EPM2A: variants seen among roughly 807,000 people sequenced by gnomAD.
EPM2A encodes EPM2A glucan phosphatase, laforin.
In EPM2A, 21 loss-of-function variants were observed where a neutral mutation model predicts 26.5. The ratio of observed to expected loss-of-function variants is 0.79; its 90% CI spans 0.56 to 1.14. The LOEUF (loss-of-function observed/expected upper bound fraction) is 1.14. EPM2A is among the 50% of genes most tolerant of loss of function. The pLI is 0.00. For missense variants in EPM2A, 458 were observed against 440.8 expected, an observed-to-expected ratio of 1.04 and a Z score of -0.35; for synonymous variants, 217 against 177.6, an observed-to-expected ratio of 1.22 and a Z score of -1.76.
At chr6:145,410,740 G>T (rs1025260617) in intron 4 of EPM2A, among the ~76,000 whole-genome samples, 12 of 152,146 alleles carry the variant, frequency 7.9e-5, no homozygotes, top group Admixed American at 3.9e-4. Flanking sequence ...GAAAGCAGGT[G>T]GTAAGACAAT....
intron 2 of EPM2A, among the ~76,000 whole-genome samples, chr6:145,551,105 T>C (rs1434588759): frequency 6.6e-6 from 1 of 152,030 alleles, no homozygotes; most frequent in Non-Finnish European, 1.5e-5. Flanking sequence ...GAGTAAAATA[T>C]GGTATAATAA....
intron 2 of EPM2A, among the ~76,000 whole-genome samples, chr6:145,594,295 GA>G (rs937440070): frequency 1.3e-5 from 2 of 151,132 alleles, no homozygotes; most frequent in South Asian, 2.1e-4. Context: ...AAACCCTCAA[GA>G]AAAAAAATAT....
intron 4 of EPM2A, among the ~76,000 whole-genome samples, chr6:145,468,600 C>T (rs1052831303): frequency 6.6e-6 from 1 of 150,412 alleles, no homozygotes; most frequent in Non-Finnish European, 1.5e-5. Flanking sequence ...TAAAACTAGA[C>T]CTCTATCTCT....
intron 2 of EPM2A, among the ~76,000 whole-genome samples, chr6:145,555,379 A>G (rs1780715426): frequency 1.3e-5 from 2 of 152,064 alleles, no homozygotes; most frequent in Non-Finnish European, 2.9e-5. Flanking sequence ...GTCTTTATAC[A>G]TGAACTAGGT....
chr6:145,573,290 C>T (rs1780984707), intron 2 of EPM2A, among the ~76,000 whole-genome samples: 2 of 152,202 alleles, frequency 1.3e-5, no homozygotes, highest in Admixed American at 1.3e-4. Flanking sequence ...ATATTACTGG[C>T]CTTACCAGCT....
chr6:145,711,000 T>G, intron 1 of EPM2A, among the ~76,000 whole-genome samples: 3 of 147,820 alleles, frequency 2.0e-5, no homozygotes, highest in Non-Finnish European at 3.0e-5. Flanking sequence ...AGGGATAGCA[T>G]TAGGAGATAT....
rs562150640 is a variant in EPM2A at position 145,418,242 on chromosome 6, C to T, written c.556-34145G>A. The stretch of plus-strand genomic sequence containing the variant: ...CTCCTCAGGAAATGCTCTGAGAGAT[C>T]GGAGACAAATGGATGCAAATTCCCA... On this transcript the variant is annotated intron_variant, in intron 4 of 4. Transcript: ENST00000638717. 5.0e-4 allele frequency among the ~76,000 whole-genome samples: 76 copies of T among 152,320 alleles called. 1 individual carries two copies. The highest frequency in any genetic ancestry group is 1.7e-3 in the African/African-American group (71 of 41,566).
At chr6:145,664,864 C>G (rs2128591935) in intron 2 of EPM2A, among the ~76,000 whole-genome samples, 1 of 151,786 alleles carries the variant, frequency 6.6e-6, no homozygotes, top group South Asian at 2.1e-4. Context: ...GACTCTCACT[C>G]AAAGCCACTC....
At chr6:145,484,596 G>A (rs1779650464) in intron 4 of EPM2A, among the ~76,000 whole-genome samples, 1 of 151,984 alleles carries the variant, frequency 6.6e-6, no homozygotes, top group South Asian at 2.1e-4. Flanking sequence ...TGTAATTATA[G>A]GACAAATATA....
At chr6:145,695,338 C>T (rs927989595) in intron 1 of EPM2A, among the ~76,000 whole-genome samples, 37 of 152,004 alleles carry the variant, frequency 2.4e-4, no homozygotes, top group Non-Finnish European at 3.7e-4. Flanking sequence ...CATATCACTA[C>T]AGAAGACAAT....
chr6:145,577,207 C>T (rs1472370424), intron 2 of EPM2A, among the ~76,000 whole-genome samples: 1 of 151,804 alleles, frequency 6.6e-6, no homozygotes, highest in Non-Finnish European at 1.5e-5. Context: ...TGTAAATGGA[C>T]TAAATTCTCC....
At chr6:145,525,831 G>T (rs547368220) in intron 2 of EPM2A, among the ~76,000 whole-genome samples, 2 of 152,158 alleles carry the variant, frequency 1.3e-5, no homozygotes, top group African/African-American at 4.8e-5. Context: ...ATACTATGAT[G>T]AGTAGGAGTA....
chr6:145,394,076 C>T (rs1214876953), intron 4 of EPM2A, among the ~76,000 whole-genome samples: 1 of 152,056 alleles, frequency 6.6e-6, no homozygotes, highest in Non-Finnish European at 1.5e-5. Flanking sequence ...GCCTGCCTCA[C>T]CCTCCCAAAG....
chr6:145,543,066 A>G (rs1780536562), intron 2 of EPM2A, among the ~76,000 whole-genome samples: 1 of 152,092 alleles, frequency 6.6e-6, no homozygotes, highest in South Asian at 2.1e-4. Flanking sequence ...GCACACAGCC[A>G]GCTTCCTTTC....
intron 4 of EPM2A, among the ~76,000 whole-genome samples, chr6:145,458,444 A>G (rs1454987306): frequency 1.3e-5 from 2 of 152,156 alleles, no homozygotes; most frequent in Non-Finnish European, 1.5e-5. Flanking sequence ...CCTACGCTGG[A>G]TTTAACAAGC....
At chr6:145,680,637 T>C (rs9718033) in intron 2 of EPM2A, among the ~76,000 whole-genome samples, 9,784 of 142,172 alleles carry the variant, frequency 0.069, 972 homozygotes, top group African/African-American at 0.23. Context: ...TGAGAACATG[T>C]GGTGTTTGGT....
intron 4 of EPM2A, among the ~76,000 whole-genome samples, chr6:145,471,289 T>G (rs1779469933): frequency 6.6e-6 from 1 of 152,080 alleles, no homozygotes; most frequent in Non-Finnish European, 1.5e-5. Flanking sequence ...TTTATGGAAT[T>G]TATTCATTTT....
chr6:145,697,458 T>C (rs1781663049), intron 1 of EPM2A, among the ~76,000 whole-genome samples: 1 of 152,098 alleles, frequency 6.6e-6, no homozygotes, highest in Admixed American at 6.5e-5. Context: ...AATGATAACA[T>C]CTTATTAGGA....
chr6:145,572,518 T>C (rs1351887915), intron 2 of EPM2A, among the ~76,000 whole-genome samples: 1 of 152,184 alleles, frequency 6.6e-6, no homozygotes, highest in Non-Finnish European at 1.5e-5. Flanking sequence ...CATGATAGGC[T>C]GGTCAGGTCG....
Sources: allele counts gnomAD v4.1 joint callset (sites outside exome capture counted in the v4.1 genomes callset), GRCh38; gene constraint gnomAD v4.1.1; transcripts MANE v1.5; gene names NCBI Gene and HGNC (gene_info 2026-07-23, HGNC 2026-07-21).